Variants in GNAL observed in about 807,000 individuals in gnomAD.
GNAL encodes guanine nucleotide-binding protein G(olf) subunit alpha.
GNAL carries 18 observed loss-of-function variants against 55.1 expected under a neutral mutation model. The observed-to-expected ratio is 0.33, with a 90% CI of 0.23 to 0.48. The LOEUF (loss-of-function observed/expected upper bound fraction) is 0.48. Ranked by LOEUF, GNAL falls within the 20% of genes least tolerant of loss-of-function variation. The pLI is 0.99. For missense variants in GNAL, 412 were observed against 614.1 expected, an observed-to-expected ratio of 0.67 and a Z score of 3.48; for synonymous variants, 253 against 237.0, an observed-to-expected ratio of 1.07 and a Z score of -0.62.
At chr18:11,812,689 C>CA (rs1214755849) in intron 4 of GNAL, among the ~76,000 whole-genome samples, 1 of 151,804 alleles carries the variant, frequency 6.6e-6, no homozygotes, top group Admixed American at 6.6e-5. Flanking sequence ...ACTAAAAATA[C>CA]AAAAATTAGC....
At chr18:11,792,792 T>A (rs2034273519) in intron 4 of GNAL, among the ~76,000 whole-genome samples, 1 of 152,222 alleles carries the variant, frequency 6.6e-6, no homozygotes, top group South Asian at 2.1e-4. Flanking sequence ...AATTCTTGTC[T>A]TAAAGTGTCT....
At chr18:11,694,207 G>C (rs539842396) in intron 1 of GNAL, among the ~76,000 whole-genome samples, 1 of 152,064 alleles carries the variant, frequency 6.6e-6, no homozygotes, top group Admixed American at 6.6e-5. Flanking sequence ...CTCCCATCAT[G>C]ATGAGTCCTC....
Position 11,790,544 on chromosome 18 carries a change from G to A in GNAL, c.625-34374G>A, listed in dbSNP as rs2034200042. 2.6e-5 allele frequency among the ~76,000 whole-genome samples: 4 copies of A among 152,044 alleles called. No homozygotes were observed. In the South Asian group the frequency reaches 8.3e-4, roughly 32 times the overall value. ...TGCAAAGGAGGTCAGTGCCAAGGTGGAAATCAGTGTTAACATGTTTGATTT... is the reference window on the plus strand; with the variant it reads ...TGCAAAGGAGGTCAGTGCCAAGGTGAAAATCAGTGTTAACATGTTTGATTT... On this transcript the variant is annotated intron_variant, in intron 4 of 11. Coordinates refer to ENST00000334049, the MANE Select transcript of GNAL (RefSeq NM_182978.4).
chr18:11,800,416 T>C (rs934232510), intron 4 of GNAL, among the ~76,000 whole-genome samples: 1 of 152,224 alleles, frequency 6.6e-6, no homozygotes, highest in African/African-American at 2.4e-5. Context: ...ATCCTCTCAC[T>C]GGTCATAATT....
At chr18:11,788,914 A>AAAAAAAAAAAAAAATATATATAT (rs60071996) in intron 4 of GNAL, among the ~76,000 whole-genome samples, 1 of 56,296 alleles carries the variant, frequency 1.8e-5, no homozygotes, top group African/African-American at 1.0e-4. Flanking sequence ...AAAAAAAAAA[A>AAAAAAAAAAAAAAATATATATAT]ATATATATAT....
At chr18:11,714,476 T>C (rs1205169390) in intron 1 of GNAL, among the ~76,000 whole-genome samples, 2 of 152,222 alleles carry the variant, frequency 1.3e-5, no homozygotes, top group African/African-American at 2.4e-5. Context: ...ATGTTAATTA[T>C]GCGTTTGTCT....
At chr18:11,856,969 T>G (rs1175746390) in intron 5 of GNAL, among the ~76,000 whole-genome samples, 2 of 152,076 alleles carry the variant, frequency 1.3e-5, no homozygotes, top group Non-Finnish European at 1.5e-5. Flanking sequence ...TTTAAAAACG[T>G]TTTAAATGAC....
At chr18:11,763,629 C>G (rs1381925280) in intron 4 of GNAL, among the ~76,000 whole-genome samples, 2 of 151,996 alleles carry the variant, frequency 1.3e-5, no homozygotes, top group East Asian at 3.9e-4. Context: ...CACCTCCCTC[C>G]CAAAGTGCCG....
intron 5 of GNAL, among the ~76,000 whole-genome samples, chr18:11,835,657 A>G (rs113472791): frequency 7.9e-5 from 12 of 152,360 alleles, no homozygotes; most frequent in African/African-American, 2.6e-4. Flanking sequence ...AATAAATTAC[A>G]TAGTAGCACA....
At chr18:11,822,808 CTTTT>C (rs56387710) in intron 4 of GNAL, among the ~76,000 whole-genome samples, 7 of 139,948 alleles carry the variant, frequency 5.0e-5, no homozygotes, top group African/African-American at 2.0e-4. Flanking sequence ...TATTGTTTTT[CTTTT>C]TTTTTTTCTT....
At chr18:11,743,892 C>G (rs937184050) in intron 1 of GNAL, among the ~76,000 whole-genome samples, 1 of 150,994 alleles carries the variant, frequency 6.6e-6, no homozygotes, top group Non-Finnish European at 1.5e-5. Context: ...GGTCCCCACA[C>G]CTACCCTTGC....
In GNAL at chr18:11,851,921, G is replaced by A; in HGVS notation, c.723-10474G>A. The A allele has an allele frequency of 2.5e-6, 4 of 1,613,914 alleles. No individual in the cohort carries two copies. Among genetic ancestry groups the A allele is most frequent in the Non-Finnish European group, 3.4e-6 (4 of 1,179,886 alleles). ...ACGCAGCAAATGGAAGACACGATGA[G>A]CAGCACGACGACGCTCACCACTCCC... On this transcript the variant is annotated intron_variant, in intron 5 of 11. Coordinates refer to ENST00000334049, the MANE Select transcript of GNAL (RefSeq NM_182978.4).
At chr18:11,802,814 C>T (rs984170471) in intron 4 of GNAL, among the ~76,000 whole-genome samples, 4 of 152,194 alleles carry the variant, frequency 2.6e-5, no homozygotes, top group South Asian at 4.1e-4. Flanking sequence ...CCATTTTCTC[C>T]GGGGCTGCGG....
At chr18:11,753,529 C>T (rs955239871) in intron 2 of GNAL, 99 bp from the exon 3 acceptor site, 1 of 778,646 alleles carries the variant, frequency 1.3e-6, no homozygotes, top group African/African-American at 1.7e-5. Context: ...TGAAACCAGT[C>T]TAGGTCAGTG....
intron 5 of GNAL, chr18:11,853,573 A>G (rs1309729637): frequency 1.2e-5 from 2 of 167,082 alleles, no homozygotes; most frequent in Non-Finnish European, 2.9e-5. Flanking sequence ...TGAAAGATTC[A>G]TAACCAACTA....
At chr18:11,798,722 G>A (rs2034449200) in intron 4 of GNAL, among the ~76,000 whole-genome samples, 1 of 152,110 alleles carries the variant, frequency 6.6e-6, no homozygotes, top group African/African-American at 2.4e-5. Flanking sequence ...TGGATTTAAG[G>A]ATATTTTCTC....
At chr18:11,695,981 C>A (rs2031398250) in intron 1 of GNAL, among the ~76,000 whole-genome samples, 1 of 152,112 alleles carries the variant, frequency 6.6e-6, no homozygotes. Flanking sequence ...GAATGTTCTC[C>A]ACTCTGGGAT....
chr18:11,775,599 A>T (rs117907438), intron 4 of GNAL, among the ~76,000 whole-genome samples: 1 of 152,216 alleles, frequency 6.6e-6, no homozygotes, highest in East Asian at 1.9e-4. Context: ...CAGATTAGAA[A>T]TGAAGAGGGG....
intron 5 of GNAL, among the ~76,000 whole-genome samples, chr18:11,844,930 A>G (rs1402720177): frequency 6.6e-6 from 1 of 151,926 alleles, no homozygotes; most frequent in African/African-American, 2.4e-5. Context: ...CAATGATGTG[A>G]TCTTGGCTCA....
Sources: gnomAD v4.1 joint callset for allele counts (sites outside exome capture counted in the v4.1 genomes callset) on GRCh38, gnomAD v4.1.1 for gene constraint, MANE v1.5 for transcripts, NCBI Gene and HGNC (gene_info 2026-07-23, HGNC 2026-07-21) for gene names.